PZP: variants seen among roughly 807,000 people sequenced by gnomAD.
PZP encodes pregnancy zone protein.
In PZP, 150 loss-of-function variants were observed where a neutral mutation model predicts 179.8. That is an observed-to-expected ratio of 0.83 (90% confidence interval 0.73 to 0.96). PZP has a LOEUF of 0.96. PZP is among the 40% of genes least tolerant of loss of function. The pLI is 0.00. For missense variants in PZP, 1,689 were observed against 1,764.0 expected, an observed-to-expected ratio of 0.96 and a Z score of 0.76; for synonymous variants, 624 against 652.3, an observed-to-expected ratio of 0.96 and a Z score of 0.66.
In PZP at chr12:9,152,871, G is replaced by A. The variant is rs1014089570; in HGVS notation, c.4074C>T (p.Cys1358=). Residue 1358 remains cysteine, a synonymous_variant, in exon 31 of 36, where the codon TGC becomes TGT. Transcript: ENST00000261336. ...AGCTGGTGTGGGCTTTGTGTCCATC[G>A]CAAGTTTGGGGCACAGTCTGCACTT... The part of the protein sequence containing the change: ...ALKVQTVPQT[C]DGHKAHTSFQ... 9.9e-6 allele frequency: 16 copies of A among 1,613,912 alleles called. No individual in the cohort carries two copies. The highest frequency in any genetic ancestry group is 3.3e-5 in the Admixed American group (2 of 59,990).
In PZP at chr12:9,182,035, T is replaced by C. The variant is rs753198144; in HGVS notation, c.1629A>G (p.Pro543=). Residue 543 remains proline, a synonymous_variant, in exon 14 of 36, where the codon CCA becomes CCG. Transcript: ENST00000261336. ...CAGAGTCTCCAACAACTTCTCCATC[T>C]GGTAAAATGGCAAAGATGAACATTC... ...IARMFIFAIL[P]DGEVVGDSEK... The C allele has an allele frequency of 3.7e-6, 6 of 1,613,888 alleles. No individual in the cohort carries two copies. The highest frequency in any genetic ancestry group is 4.2e-6 in the Non-Finnish European group (5 of 1,179,900).
chr12:9,181,213 C>G, intron 14 of PZP, 81 bp from the exon 15 acceptor site: 1 of 1,566,874 alleles, frequency 6.4e-7, no homozygotes, highest in Non-Finnish European at 8.7e-7. Flanking sequence ...CTAAGCCACC[C>G]TTATATTCAG....
chr12:9,165,956 T>C lies in PZP; in HGVS notation c.2258+96A>G, dbSNP rs892073668. ...AAAGAGGAAGAGGTTAAGATAATTA[T>C]TCAGAACTTTTCAGGAAGATTGTCT... On this transcript the variant is annotated intron_variant, in intron 18 of 35. Transcript: ENST00000261336. The C allele has an allele frequency of 4.9e-6, 7 of 1,433,224 alleles. No homozygotes were observed. In the African/African-American group the frequency reaches 5.7e-5, roughly 12 times the overall value. 88.8% of individuals were successfully genotyped at this position (1,433,224 alleles called of 1,614,324 possible). A position where few individuals can be genotyped will look rare whatever the true frequency, so the allele number is the denominator to read the frequency against.
chr12:9,199,881 A>G (rs11049452), intron 7 of PZP, among the ~76,000 whole-genome samples: 25,358 of 152,166 alleles, frequency 0.17, 2,294 homozygotes, highest in East Asian at 0.27. Flanking sequence ...GAGTTTGGAA[A>G]AAGAAAAGGT....
At chr12:9,148,691 A>G (rs186705549), downstream of PZP, 109 of 359,640 alleles carry the variant, frequency 3.0e-4, 1 homozygote, top group Admixed American at 4.7e-4. Flanking sequence ...TTTTCATTCA[A>G]TTTCTTTACC....
intron 1 of PZP, among the ~76,000 whole-genome samples, chr12:9,207,764 T>C (rs1386119268): frequency 6.6e-6 from 1 of 152,146 alleles, no homozygotes; most frequent in Non-Finnish European, 1.5e-5. Flanking sequence ...GGAAAAGAAG[T>C]CTTACAATTA....
the PZP span, among the ~76,000 whole-genome samples, chr12:9,139,217 A>T: frequency 6.6e-6 from 1 of 151,936 alleles, no homozygotes; most frequent in Non-Finnish European, 1.5e-5. Flanking sequence ...TTTAATATCT[A>T]TGTATTTTTT....
In PZP at chr12:9,168,887, C is replaced by T; in HGVS notation, c.2089G>A (p.Gly697Ser). Residue 697 changes from glycine (G) to serine (S), a missense_variant, in exon 17 of 36, where the codon GGT becomes AGT. Coordinates refer to ENST00000261336, the MANE Select transcript of PZP (RefSeq NM_002864.3). ...VIPSVSAGAVGQGYYGAGLGV... is the reference protein window; with the variant it reads ...VIPSVSAGAVSQGYYGAGLGV... ...GTTTTACCTCCATAGTATCCTTGAC[C>T]TACTGCTCCTGCAGACACGGAAGGG... The T allele has an allele frequency of 1.9e-6, 3 of 1,613,654 alleles. No individual in the cohort carries two copies. Among genetic ancestry groups the T allele is most frequent in the Non-Finnish European group, 2.5e-6 (3 of 1,179,686 alleles).
chr12:9,159,634 C>G (rs1218482368), intron 25 of PZP, among the ~76,000 whole-genome samples: 1 of 151,550 alleles, frequency 6.6e-6, no homozygotes, highest in South Asian at 2.1e-4. Context: ...CAAAGTAAAA[C>G]AAAGAAAAGA....
At chr12:9,152,377 A>G (rs1940422357) in intron 31 of PZP, 67 bp from the exon 32 acceptor site, 1 of 1,165,688 alleles carries the variant, frequency 8.6e-7, no homozygotes, top group Middle Eastern at 2.0e-4. Flanking sequence ...TCTGCTTTCA[A>G]GCATCACTTT....
In PZP at chr12:9,158,728, A is replaced by G. The variant is rs1255936245; in HGVS notation, c.3138-152T>C. On this transcript the variant is annotated intron_variant, in intron 25 of 35. Transcript: ENST00000261336. ...TGGAGACTTTTTCTTTTTAGCTTAG[A>G]CATCTCTTTTTCTTTTTTCTTTTCT... 4.7e-6 allele frequency: 3 copies of G among 640,108 alleles called. No homozygotes were observed. In the African/African-American group the frequency reaches 5.8e-5, roughly 12 times the overall value. The allele number at this position is 640,108 out of a possible 1,614,324, so 39.7% of individuals were successfully genotyped here.
At chr12:9,174,751 C>G (rs1241593828) in intron 15 of PZP, among the ~76,000 whole-genome samples, 1 of 152,104 alleles carries the variant, frequency 6.6e-6, no homozygotes, top group African/African-American at 2.4e-5. Flanking sequence ...ATACAGCTAA[C>G]AAGGGAAGTG....
At chr12:9,169,164 A>AT (rs1032711703) in intron 16 of PZP, among the ~76,000 whole-genome samples, 190 bp from the exon 17 acceptor site, 2 of 119,684 alleles carry the variant, frequency 1.7e-5, no homozygotes, top group African/African-American at 5.7e-5. Context: ...TTTATTCATT[A>AT]TTTTTTGGTT....
chr12:9,152,641 T>G (rs1940443675), intron 31 of PZP, among the ~76,000 whole-genome samples, 183 bp downstream of exon 31: 1 of 152,254 alleles, frequency 6.6e-6, no homozygotes, highest in Non-Finnish European at 1.5e-5. Context: ...TAGTATATAT[T>G]ACTTTTATAT....
rs775946103 is a variant in PZP at position 9,158,432 on chromosome 12, G to T, written c.3282C>A (p.Asn1094Lys). 2 of 1,614,144 alleles carry T rather than the reference G, an allele frequency of 1.2e-6. No individual in the cohort carries two copies. The highest frequency in any genetic ancestry group is 1.7e-6 in the Non-Finnish European group (2 of 1,180,010). The change falls in exon 26 of 36, where the codon AAC becomes AAA. Residue 1094 changes from asparagine to lysine, a missense_variant. Physicochemically the swap from Asn to Lys is moderately conservative, Grantham distance 94. This residue lies in a region of PZP where 746 missense variants were observed against 749.2 expected (regional missense o/e 1.00). Coordinates refer to ENST00000261336, the MANE Select transcript of PZP (RefSeq NM_002864.3). ...GCFRSSGSLL[N>K]NAIKGGVEDE... Reference sequence around the variant, plus strand: ...TGGAACAGTTCACCTTTATGGCATTGTTGAGCAGTGACCCAGAGCTCCTGA... The same window carrying T: ...TGGAACAGTTCACCTTTATGGCATTTTTGAGCAGTGACCCAGAGCTCCTGA...
In PZP at chr12:9,152,239, A is replaced by G. The variant is rs759406903; in HGVS notation, c.4193T>C (p.Leu1398Pro). ...ACCTACCATTTTTACTGTTGGTTTC[A>G]GGGGAATAAAACCAGATACCATCTT... ...DVKMVSGFIP[L>P]KPTVKMLERS... Residue 1398 changes from leucine (L) to proline (P), a missense_variant, in exon 32 of 36, where the codon CTG (leucine) becomes CCG (proline). By Grantham distance (98) the Leu-to-Pro change is moderately conservative. Around this residue, in one of 3 missense-constraint regions of PZP, gnomAD observed 746 missense variants for 749.2 expected, o/e 1.00. Transcript: ENST00000261336. 30 of 1,610,028 alleles carry G rather than the reference A, an allele frequency of 1.9e-5. No individual in the cohort carries two copies. In the South Asian group the frequency reaches 3.2e-4, roughly 17 times the overall value.
chr12:9,181,374 G>GT (rs1379328051), intron 14 of PZP, among the ~76,000 whole-genome samples: 32 of 152,266 alleles, frequency 2.1e-4, no homozygotes, highest in African/African-American at 7.7e-4. Flanking sequence ...CTGTTAAAAG[G>GT]TACATGACTT....
intron 28 of PZP, among the ~76,000 whole-genome samples, chr12:9,156,972 T>C (rs1281154867): frequency 6.6e-6 from 1 of 152,150 alleles, no homozygotes; most frequent in African/African-American, 2.4e-5. Context: ...ATGTGCAGGA[T>C]GTGCAGGTTT....
In PZP at chr12:9,183,050, C is replaced by T. The variant is rs182890090; in HGVS notation, c.1547-933G>A. On this transcript the variant is annotated intron_variant, in intron 13 of 35. Coordinates refer to ENST00000261336, the MANE Select transcript of PZP (RefSeq NM_002864.3). ...ACAGAGTCTCTCGACATTGTTGAAACTCAAAATAATGTAGGACAAGGACAA... is the reference window on the plus strand; with the variant it reads ...ACAGAGTCTCTCGACATTGTTGAAATTCAAAATAATGTAGGACAAGGACAA... Among the ~76,000 whole-genome samples, 289 of 152,256 alleles carry T rather than the reference C, an allele frequency of 1.9e-3. 1 individual carries two copies. The highest frequency in any genetic ancestry group is 6.7e-3 in the African/African-American group (278 of 41,552).
Sources: gnomAD v4.1 joint callset for allele counts (sites outside exome capture counted in the v4.1 genomes callset) on GRCh38, gnomAD v4.1.1 for gene constraint, gnomAD v4.1.1 regional missense constraint, MANE v1.5 for transcripts, NCBI Gene and HGNC (gene_info 2026-07-23, HGNC 2026-07-21) for gene names.